Variants in MARCHF1 observed in about 807,000 individuals in gnomAD.
The protein encoded by MARCHF1 is E3 ubiquitin-protein ligase MARCHF1.
Under a neutral mutation model 54.2 loss-of-function variants are expected in MARCHF1, and 40 were observed. The observed-to-expected ratio is 0.74, with a 90% CI of 0.57 to 0.96. The LOEUF is 0.96. Among genes scored for constraint, MARCHF1 ranks in the 40% least tolerant of loss-of-function variants. The pLI is 0.00. For missense variants in MARCHF1, 586 were observed against 656.5 expected, an observed-to-expected ratio of 0.89 and a Z score of 1.17; for synonymous variants, 236 against 236.3, an observed-to-expected ratio of 1.00 and a Z score of 0.01.
chr4:164,089,963 AAT>A (rs898392563), intron 2 of MARCHF1, among the ~76,000 whole-genome samples: 7 of 151,070 alleles, frequency 4.6e-5, no homozygotes, highest in East Asian at 1.9e-4. Context: ...AGAAAATTTT[AAT>A]ATATATATAT....
At chr4:164,373,906 A>C (rs562334000) in intron 1 of MARCHF1, among the ~76,000 whole-genome samples, 1 of 152,194 alleles carries the variant, frequency 6.6e-6, no homozygotes, top group Non-Finnish European at 1.5e-5. Flanking sequence ...AATGTAGATT[A>C]CTCATTTATC....
intron 2 of MARCHF1, among the ~76,000 whole-genome samples, chr4:164,098,044 T>A (rs1579530504): frequency 6.6e-6 from 1 of 152,152 alleles, no homozygotes; most frequent in Non-Finnish European, 1.5e-5. Context: ...ATGGGATATC[T>A]TTATCATTAA....
chr4:163,947,291 G>C (rs1435869130), intron 3 of MARCHF1, among the ~76,000 whole-genome samples: 2 of 151,986 alleles, frequency 1.3e-5, no homozygotes, highest in Non-Finnish European at 2.9e-5. Context: ...GATGAGCTGT[G>C]GTCCTAACAA....
At chr4:163,822,937 T>C (rs566113485) in intron 4 of MARCHF1, among the ~76,000 whole-genome samples, 6 of 152,012 alleles carry the variant, frequency 3.9e-5, no homozygotes, top group South Asian at 2.1e-4. Flanking sequence ...TGTTATAAAC[T>C]GTAGACTCTA....
chr4:163,856,856 C>CA (rs1208528275), intron 3 of MARCHF1, among the ~76,000 whole-genome samples: 6 of 151,610 alleles, frequency 4.0e-5, no homozygotes, highest in African/African-American at 1.5e-4. Flanking sequence ...ACTAAAAATA[C>CA]AAAAAATTAG....
At chr4:163,875,541 A>G (rs1560799100) in intron 3 of MARCHF1, among the ~76,000 whole-genome samples, 1 of 152,124 alleles carries the variant, frequency 6.6e-6, no homozygotes, top group Non-Finnish European at 1.5e-5. Context: ...AACTTGCCCT[A>G]TCTTGCTCGG....
chr4:163,902,500 G>A (rs762375010), intron 3 of MARCHF1, among the ~76,000 whole-genome samples: 2 of 152,062 alleles, frequency 1.3e-5, no homozygotes, highest in African/African-American at 2.4e-5. Flanking sequence ...AAATCTTTGA[G>A]ACACAATTTA....
At chr4:163,978,654 A>G (rs541026106) in intron 3 of MARCHF1, among the ~76,000 whole-genome samples, 50 of 152,288 alleles carry the variant, frequency 3.3e-4, no homozygotes, top group African/African-American at 1.1e-3. Context: ...TCTGTTGCCA[A>G]TTGAAATAGT....
intron 1 of MARCHF1, among the ~76,000 whole-genome samples, chr4:164,143,638 C>A (rs1487015605): frequency 6.6e-6 from 1 of 152,096 alleles, no homozygotes; most frequent in East Asian, 1.9e-4. Flanking sequence ...ATTCTGTCAC[C>A]ACCAGGCCTG....
chr4:164,073,121 T>C (rs1255075852), intron 2 of MARCHF1, among the ~76,000 whole-genome samples: 1 of 152,152 alleles, frequency 6.6e-6, no homozygotes, highest in Non-Finnish European at 1.5e-5. Flanking sequence ...TGAAGTACAG[T>C]GACTTGTACA....
chr4:163,583,404 G>C (rs932706674), intron 8 of MARCHF1, among the ~76,000 whole-genome samples: 3 of 151,974 alleles, frequency 2.0e-5, no homozygotes, highest in Non-Finnish European at 2.9e-5. Flanking sequence ...AGCAACCTCT[G>C]GATCAGATTC....
chr4:163,860,980 T>C (rs890803354), intron 3 of MARCHF1, among the ~76,000 whole-genome samples: 2 of 152,154 alleles, frequency 1.3e-5, no homozygotes, highest in African/African-American at 4.8e-5. Flanking sequence ...AAAAAAGCAC[T>C]GGAACCAAAT....
chr4:163,933,016 G>A (rs1391845161), intron 3 of MARCHF1: 8 of 1,204,912 alleles, frequency 6.6e-6, no homozygotes, highest in East Asian at 2.7e-5. Context: ...CATCCAATCT[G>A]CCTGGGGCTT....
chr4:163,527,522 A>T lies in MARCHF1; in HGVS notation c.*1226T>A, dbSNP rs1579028196. 7.0e-6 allele frequency: 1 copy of T among 143,342 alleles called. No individual in the cohort carries two copies. The highest frequency in any genetic ancestry group is 7.3e-5 in the Admixed American group (1 of 13,670). 8.9% of individuals were successfully genotyped at this position (143,342 alleles called of 1,614,324 possible). On this transcript the variant is annotated 3_prime_UTR_variant, in exon 10 of 10. Coordinates refer to ENST00000514618, the MANE Select transcript of MARCHF1 (RefSeq NM_001394959.1). ...TCACAACTCTGCTATAGGCAGATTG[A>T]TTGTTTTATCTTTCTATACTTTTGG... is the stretch of plus-strand genomic sequence containing the variant.
chr4:163,881,753 C>G (rs1268989439), intron 3 of MARCHF1, among the ~76,000 whole-genome samples: 1 of 150,460 alleles, frequency 6.6e-6, no homozygotes, highest in Non-Finnish European at 1.5e-5. Flanking sequence ...AGAAACATAC[C>G]CTATGAACTT....
intron 3 of MARCHF1, among the ~76,000 whole-genome samples, chr4:163,891,089 T>A (rs955195102): frequency 1.1e-4 from 17 of 152,172 alleles, no homozygotes; most frequent in African/African-American, 3.9e-4. Flanking sequence ...CCAGGGGACA[T>A]CATGTGAGGA....
intron 1 of MARCHF1, among the ~76,000 whole-genome samples, chr4:164,129,784 T>C (rs1234809344): frequency 6.6e-6 from 1 of 152,044 alleles, no homozygotes; most frequent in East Asian, 1.9e-4. Flanking sequence ...CACTGGGACC[T>C]ATTGTGGTTG....
At chr4:163,897,042 A>G (rs1440945702) in intron 3 of MARCHF1, among the ~76,000 whole-genome samples, 1 of 152,176 alleles carries the variant, frequency 6.6e-6, no homozygotes, top group Non-Finnish European at 1.5e-5. Context: ...TTACAATTTT[A>G]ATATCCACAT....
rs533705937 is a variant in MARCHF1 at position 164,351,084 on chromosome 4, A to G, written c.-323+32786T>C. Among the ~76,000 whole-genome samples the G allele has an allele frequency of 3.3e-5, 5 of 152,334 alleles. No individual in the cohort carries two copies. The East Asian group carries it at 7.8e-4, about 24-fold the overall frequency. ...TTAAAAAACGGCGCACCACAAGATT[A>G]TATCCCTCACCTGGCTCGGAGGGTC... On this transcript the variant is annotated intron_variant, in intron 1 of 9. Transcript: ENST00000514618.
Sources: allele counts gnomAD v4.1 joint callset (sites outside exome capture counted in the v4.1 genomes callset), GRCh38; gene constraint gnomAD v4.1.1; transcripts MANE v1.5; gene names NCBI Gene and HGNC (gene_info 2026-07-23, HGNC 2026-07-21).